Variants in PID1 observed in about 807,000 individuals in gnomAD.
PID1 encodes phosphotyrosine interaction domain containing 1.
PID1 carries 10 observed loss-of-function variants against 19.1 expected under a neutral mutation model. That is an observed-to-expected ratio of 0.52 (90% CI 0.32 to 0.89). The LOEUF is 0.89. Ranked by LOEUF, PID1 falls within the 40% of genes least tolerant of loss-of-function variation. PID1 has a pLI of 0.03. For synonymous variants in PID1, 130 were observed against 116.0 expected, an observed-to-expected ratio of 1.12 and a Z score of -0.78; for missense variants, 248 against 285.3, an observed-to-expected ratio of 0.87 and a Z score of 0.94.
intron 2 of PID1, among the ~76,000 whole-genome samples, chr2:229,140,849 G>C (rs142032685): frequency 1.3e-3 from 196 of 152,056 alleles, no homozygotes; most frequent in South Asian, 3.7e-3. Flanking sequence ...CAGCGATTTA[G>C]CCTATGTATT....
chr2:229,253,927 G>A (rs1298177302), intron 1 of PID1, among the ~76,000 whole-genome samples: 2 of 152,226 alleles, frequency 1.3e-5, no homozygotes, highest in South Asian at 2.1e-4. Flanking sequence ...GAATTGAAAG[G>A]AGAGGGAGAG....
At chr2:229,074,156 T>C (rs1694511703) in intron 2 of PID1, among the ~76,000 whole-genome samples, 1 of 152,208 alleles carries the variant, frequency 6.6e-6, no homozygotes, top group Admixed American at 6.5e-5. Context: ...AACCTGTTTA[T>C]GAAGACAGCA....
intron 2 of PID1, among the ~76,000 whole-genome samples, chr2:229,089,383 A>C (rs184958371): frequency 4.4e-4 from 67 of 152,342 alleles, no homozygotes; most frequent in Non-Finnish European, 6.8e-4. Context: ...CTATGAGTTT[A>C]ATCTCTACTG....
intron 2 of PID1, among the ~76,000 whole-genome samples, chr2:229,055,245 G>A (rs1352673535): frequency 6.6e-6 from 1 of 152,182 alleles, no homozygotes; most frequent in Non-Finnish European, 1.5e-5. Flanking sequence ...CCTCGACATG[G>A]CCTCCTTTTG....
intron 1 of PID1, among the ~76,000 whole-genome samples, chr2:229,244,604 A>C (rs1190941533): frequency 6.6e-6 from 1 of 152,156 alleles, no homozygotes; most frequent in East Asian, 1.9e-4. Flanking sequence ...CTCATAAGAA[A>C]GTTAATTATC....
chr2:229,108,382 GAC>G (rs541552986), intron 2 of PID1, among the ~76,000 whole-genome samples: 9 of 152,202 alleles, frequency 5.9e-5, no homozygotes, highest in Non-Finnish European at 1.3e-4. Context: ...AGTGACAGAT[GAC>G]ACCAATGCAT....
intron 1 of PID1, among the ~76,000 whole-genome samples, chr2:229,257,669 A>G (rs1227005): frequency 0.3 from 45,408 of 151,958 alleles, 7,898 homozygotes; most frequent in East Asian, 0.69. Flanking sequence ...TATATTCCTT[A>G]CCCTTGACCT....
At chr2:229,252,998 C>T (rs1200081853) in intron 1 of PID1, among the ~76,000 whole-genome samples, 1 of 152,162 alleles carries the variant, frequency 6.6e-6, no homozygotes, top group Non-Finnish European at 1.5e-5. Flanking sequence ...ATCAAAGTAG[C>T]AAAGCAGGTC....
intron 2 of PID1, among the ~76,000 whole-genome samples, chr2:229,109,268 C>T (rs1003864908): frequency 3.3e-5 from 5 of 151,978 alleles, no homozygotes; most frequent in East Asian, 1.9e-4. Context: ...TTTTGGGTTA[C>T]GGGTGATTTC....
chr2:229,141,748 T>C (rs1345783521), intron 2 of PID1, among the ~76,000 whole-genome samples: 1 of 152,124 alleles, frequency 6.6e-6, no homozygotes, highest in Non-Finnish European at 1.5e-5. Context: ...GTAAATTATT[T>C]TATAATTCCT....
intron 2 of PID1, among the ~76,000 whole-genome samples, chr2:229,066,016 A>AGTT (rs1694318522): frequency 6.6e-6 from 1 of 152,210 alleles, no homozygotes; most frequent in Admixed American, 6.5e-5. Context: ...ATTCACCAAC[A>AGTT]ACCTTTCTAC....
chr2:229,190,999 GTA>G (rs1483526295), intron 1 of PID1, among the ~76,000 whole-genome samples: 1 of 152,156 alleles, frequency 6.6e-6, no homozygotes, highest in Non-Finnish European at 1.5e-5. Context: ...TCATTGAGGA[GTA>G]TGTTACTAGG....
intron 2 of PID1, among the ~76,000 whole-genome samples, chr2:229,155,435 G>A (rs1366374364): frequency 6.6e-6 from 1 of 151,872 alleles, no homozygotes; most frequent in Admixed American, 6.6e-5. Context: ...GCATGGTGGC[G>A]GGTGCCTGTA....
At position 229,119,331 on chromosome 2, in the gene PID1, C is replaced by T. The variant is rs574627288; in HGVS notation, c.177+36487G>A. On this transcript the variant is annotated intron_variant, in intron 2 of 2. Coordinates refer to ENST00000392055, the MANE Select transcript of PID1 (RefSeq NM_001100818.2). ...TTATATACTTTGTACATATCAAGGC[C>T]AAGATCCCCATCGAAGTCTGTGTAC... Among the ~76,000 whole-genome samples, 3 of 152,266 alleles carry T rather than the reference C, an allele frequency of 2.0e-5. 1 individual carries two copies. The South Asian group carries it at 6.2e-4, about 32-fold the overall frequency.
intron 1 of PID1, among the ~76,000 whole-genome samples, chr2:229,172,262 G>C (rs1690725608): frequency 6.6e-6 from 1 of 152,216 alleles, no homozygotes; most frequent in Admixed American, 6.5e-5. Flanking sequence ...CGGAGGGAAT[G>C]CACAGGCAAG....
At chr2:229,066,703 G>A (rs557695689) in intron 2 of PID1, among the ~76,000 whole-genome samples, 1 of 151,700 alleles carries the variant, frequency 6.6e-6, no homozygotes, top group Non-Finnish European at 1.5e-5. Flanking sequence ...CTATTTTGAG[G>A]ACATAGCATA....
chr2:229,264,268 T>C (rs12997537), intron 1 of PID1, among the ~76,000 whole-genome samples: 33,545 of 152,186 alleles, frequency 0.22, 4,345 homozygotes, highest in Non-Finnish European at 0.29. Flanking sequence ...GTAGTATACA[T>C]GAAATTTCCC....
At chr2:229,139,018 AG>A in intron 2 of PID1, among the ~76,000 whole-genome samples, 1 of 89,346 alleles carries the variant, frequency 1.1e-5, no homozygotes, top group South Asian at 3.9e-4. Flanking sequence ...AAAGAAAGAA[AG>A]AAAGAAAGAA....
At chr2:229,169,620 G>A (rs958683648) in intron 1 of PID1, among the ~76,000 whole-genome samples, 3 of 152,080 alleles carry the variant, frequency 2.0e-5, no homozygotes, top group Non-Finnish European at 2.9e-5. Context: ...AAGGTCCTAA[G>A]GTCCTTTCTC....
Sources: allele counts gnomAD v4.1 joint callset (sites outside exome capture counted in the v4.1 genomes callset), GRCh38; gene constraint gnomAD v4.1.1; transcripts MANE v1.5; gene names NCBI Gene and HGNC (gene_info 2026-07-23, HGNC 2026-07-21).